The following PHF14 variants were observed in gnomAD, a reference collection of about 807,000 sequenced individuals.
The protein encoded by PHF14 is PHD finger protein 14.
In PHF14, 55 loss-of-function variants were observed where a neutral mutation model predicts 117.9. The observed-to-expected ratio is 0.47, with a 90% confidence interval of 0.38 to 0.58. The LOEUF (loss-of-function observed/expected upper bound fraction) is 0.58, where lower values mean the gene tolerates loss of function less well. Among genes scored for constraint, PHF14 ranks in the 20% least tolerant of loss-of-function variants. PHF14 has a pLI of 0.00. For missense variants in PHF14, 978 were observed against 1,122.2 expected (o/e 0.87, Z 1.84); for synonymous variants, 409 against 368.6 (o/e 1.11, Z -1.26).
At chr7:11,113,088 C>T (rs1251287348) in intron 17 of PHF14, among the ~76,000 whole-genome samples, 1 of 151,932 alleles carries the variant, frequency 6.6e-6, no homozygotes, top group Non-Finnish European at 1.5e-5. Context: ...GGGATTTTCT[C>T]CTACCCCCAG....
intron 5 of PHF14, among the ~76,000 whole-genome samples, chr7:11,016,863 A>T (rs1402143707): frequency 6.6e-6 from 1 of 151,800 alleles, no homozygotes; most frequent in African/African-American, 2.4e-5. Flanking sequence ...CTCATTAACC[A>T]TCTCCCACCT....
At chr7:11,105,731 G>C (rs1368647705) in intron 16 of PHF14, 4 of 984,630 alleles carry the variant, frequency 4.1e-6, no homozygotes, top group Non-Finnish European at 4.8e-6. Context: ...TTCCCATAGT[G>C]CTCACTTTAA....
At chr7:11,123,433 T>G (rs1472294336) in intron 17 of PHF14, among the ~76,000 whole-genome samples, 2 of 148,472 alleles carry the variant, frequency 1.3e-5, no homozygotes, top group East Asian at 3.9e-4. Context: ...TCTGAAGATA[T>G]GATTAAATAT....
At chr7:11,150,400 C>G (rs1214258458) in intron 17 of PHF14, among the ~76,000 whole-genome samples, 1 of 152,096 alleles carries the variant, frequency 6.6e-6, no homozygotes, top group African/African-American at 2.4e-5. Context: ...GTTTGCCTTT[C>G]AAGTGTATAA....
intron 3 of PHF14, among the ~76,000 whole-genome samples, chr7:10,987,137 T>G (rs73678540): frequency 6.6e-6 from 1 of 152,302 alleles, no homozygotes; most frequent in African/African-American, 2.4e-5. Flanking sequence ...ATCAGTTGTC[T>G]TTTTACACAT....
At chr7:11,142,980 C>T (rs1441996505) in intron 17 of PHF14, among the ~76,000 whole-genome samples, 1 of 152,082 alleles carries the variant, frequency 6.6e-6, no homozygotes, top group Non-Finnish European at 1.5e-5. Context: ...TCTTGTTGTA[C>T]AGTGAAATGT....
intron 2 of PHF14, among the ~76,000 whole-genome samples, chr7:10,976,942 A>G (rs1237120901): frequency 2.0e-5 from 3 of 151,010 alleles, no homozygotes; most frequent in Non-Finnish European, 4.4e-5. Flanking sequence ...CTTGGTATTT[A>G]TTGTAAAAGG....
At chr7:10,991,261 T>G (rs2625440) in intron 4 of PHF14, among the ~76,000 whole-genome samples, 8 of 151,986 alleles carry the variant, frequency 5.3e-5, no homozygotes, top group African/African-American at 1.7e-4. Context: ...GCTCACTTCA[T>G]CCTCCGCCTC....
intron 17 of PHF14, among the ~76,000 whole-genome samples, chr7:11,127,656 T>G (rs1377610453): frequency 6.6e-6 from 1 of 152,152 alleles, no homozygotes; most frequent in Non-Finnish European, 1.5e-5. Context: ...TTAAAGTACC[T>G]CTTCTAAAGA....
intron 13 of PHF14, among the ~76,000 whole-genome samples, chr7:11,049,106 C>G (rs1386534954): frequency 6.6e-6 from 1 of 152,090 alleles, no homozygotes; most frequent in African/African-American, 2.4e-5. Flanking sequence ...GAAAAGGTAC[C>G]TGCTTCTATA....
intron 17 of PHF14, among the ~76,000 whole-genome samples, chr7:11,126,407 T>C (rs1414771357): frequency 6.6e-6 from 1 of 152,128 alleles, no homozygotes; most frequent in Admixed American, 6.6e-5. Context: ...AGGATAGATA[T>C]TTCTTTACCT....
Position 11,063,582 on chromosome 7 carries a change from C to G in PHF14, c.2654+1497C>G, listed in dbSNP as rs904340336. 5.2e-6 allele frequency: 5 copies of G among 965,752 alleles called. No homozygotes were observed. In the African/African-American group the frequency reaches 8.8e-5, roughly 17 times the overall value. 59.8% of individuals were successfully genotyped at this position (965,752 alleles called of 1,614,324 possible). A position where few individuals can be genotyped will look rare whatever the true frequency, so the allele number is the denominator to read the frequency against. ...TTATTTGAACCTGTATGAGTATCTACTGTGTCTTACTAATTTTTTTTTTTT... is the reference window on the plus strand; with the variant it reads ...TTATTTGAACCTGTATGAGTATCTAGTGTGTCTTACTAATTTTTTTTTTTT... On this transcript the variant is annotated intron_variant, in intron 16 of 17. Transcript: ENST00000634607.
intron 8 of PHF14, among the ~76,000 whole-genome samples, chr7:11,036,051 A>G (rs941515927): frequency 2.0e-5 from 3 of 152,158 alleles, no homozygotes; most frequent in Admixed American, 6.6e-5. Context: ...TCAGTGCAAT[A>G]TATTTATTAC....
intron 17 of PHF14, among the ~76,000 whole-genome samples, chr7:11,141,811 A>G (rs922651851): frequency 3.9e-5 from 6 of 152,048 alleles, no homozygotes; most frequent in Middle Eastern, 3.2e-3. Context: ...TCATACTTAC[A>G]TAACTTTATT....
At chr7:11,151,771 T>G (rs1473967531) in intron 17 of PHF14, among the ~76,000 whole-genome samples, 1 of 152,154 alleles carries the variant, frequency 6.6e-6, no homozygotes, top group African/African-American at 2.4e-5. Flanking sequence ...GGCCATTTTT[T>G]TCTTGCTTGG....
chr7:10,993,014 G>T (rs1365146846), intron 4 of PHF14, among the ~76,000 whole-genome samples: 2 of 152,108 alleles, frequency 1.3e-5, no homozygotes, highest in Admixed American at 1.3e-4. Flanking sequence ...TACCACGGAA[G>T]TTATATAGTG....
intron 4 of PHF14, among the ~76,000 whole-genome samples, chr7:11,007,885 A>G (rs1349522577): frequency 6.6e-6 from 1 of 152,168 alleles, no homozygotes; most frequent in Non-Finnish European, 1.5e-5. Flanking sequence ...TATTGAATTT[A>G]TAATTGTTTA....
At chr7:11,137,806 G>A (rs191018191) in intron 17 of PHF14, among the ~76,000 whole-genome samples, 4 of 151,522 alleles carry the variant, frequency 2.6e-5, no homozygotes, top group East Asian at 2.0e-4. Context: ...GGCTGGTCTC[G>A]AACTCCTGAC....
At chr7:11,098,768 A>G (rs1275363591) in intron 16 of PHF14, among the ~76,000 whole-genome samples, 4 of 152,198 alleles carry the variant, frequency 2.6e-5, no homozygotes, top group African/African-American at 9.7e-5. Context: ...AGAACAGTGT[A>G]AGATTTAAAA....
Sources: gnomAD v4.1 joint callset for allele counts (sites outside exome capture counted in the v4.1 genomes callset) on GRCh38, gnomAD v4.1.1 for gene constraint, MANE v1.5 for transcripts, NCBI Gene and HGNC (gene_info 2026-07-23, HGNC 2026-07-21) for gene names.